Variants in AKTIP observed in about 807,000 individuals in gnomAD.
AKTIP encodes AKT-interacting protein.
In AKTIP, 16 loss-of-function variants were observed where a neutral mutation model predicts 39.1. That is an observed-to-expected ratio of 0.41 (90% confidence interval 0.28 to 0.62). AKTIP has a LOEUF of 0.62. Among genes scored for constraint, AKTIP ranks in the 20% least tolerant of loss-of-function variants. The probability of loss-of-function intolerance (pLI) is 0.32; values close to 1 mark genes in which losing one functional copy is unlikely to be tolerated. For missense variants in AKTIP, 262 were observed against 356.6 expected (o/e 0.73, Z 2.14); for synonymous variants, 93 against 124.3 (o/e 0.75, Z 1.67).
At position 53,492,804 on chromosome 16, in the gene AKTIP, CTA is replaced by C. The variant is rs57994071; in HGVS notation, c.711-53_711-52del. The C allele has an allele frequency of 1.6e-3, 2,457 of 1,545,688 alleles. 31 individuals are homozygous for C. The African/African-American group carries it at 0.028, about 18-fold the overall frequency. ...AACTATTTGTTGGCTCACTAAATTT[CTA>C]TAACATTCATTTTGCAGTTTTAAGC... On this transcript the variant is annotated intron_variant, in intron 8 of 9. Coordinates refer to ENST00000394657, the MANE Select transcript of AKTIP (RefSeq NM_022476.4).
At position 53,494,257 on chromosome 16, in the gene AKTIP, G is replaced by A; in HGVS notation, c.603-12C>T. The A allele has an allele frequency of 6.2e-7, 1 of 1,613,232 alleles. No individual in the cohort carries two copies. The highest frequency in any genetic ancestry group is 8.5e-7 in the Non-Finnish European group (1 of 1,179,246). ...TATCTTTTTCATACCTGTGTTAAAA[G>A]TTTAAGTCAAAAAGTTACTAACTTA... On this transcript the variant is annotated splice_polypyrimidine_tract_variant and intron_variant, in intron 7 of 9. Coordinates refer to ENST00000394657, the MANE Select transcript of AKTIP (RefSeq NM_022476.4).
chr16:53,495,425 T>A, intron 3 of AKTIP, 99 bp from the exon 4 acceptor site: 1 of 1,136,624 alleles, frequency 8.8e-7, no homozygotes, highest in South Asian at 1.3e-5. Context: ...GGCCCCTCAA[T>A]GGGCAGCTGA....
chr16:53,496,872 T>C (rs1815566573), intron 3 of AKTIP, among the ~76,000 whole-genome samples: 1 of 152,164 alleles, frequency 6.6e-6, no homozygotes, highest in Admixed American at 6.5e-5. Context: ...GGTCTCACTA[T>C]ATGGCCTACA....
At chr16:53,497,852 CA>C (rs1961933491) in intron 3 of AKTIP, among the ~76,000 whole-genome samples, 1 of 152,228 alleles carries the variant, frequency 6.6e-6, no homozygotes, top group Non-Finnish European at 1.5e-5. Flanking sequence ...CGACTTCAAG[CA>C]ATTCTCTGCC....
At chr16:53,500,129 G>A (rs773523234) in intron 2 of AKTIP, 89 bp downstream of exon 2, 18 of 985,860 alleles carry the variant, frequency 1.8e-5, no homozygotes, top group Non-Finnish European at 2.5e-5. Flanking sequence ...ACAGGTGACC[G>A]TGACAGATTA....
At chr16:53,492,942 C>G in intron 8 of AKTIP, 189 bp from the exon 9 acceptor site, 1 of 580,158 alleles carries the variant, frequency 1.7e-6, no homozygotes, top group Non-Finnish European at 3.1e-6. Context: ...CATGAATGAT[C>G]TCATTTAAGC....
Position 53,500,344 on chromosome 16 carries a change from G to A in AKTIP, c.-70-15C>T. 2 of 1,556,740 alleles carry A rather than the reference G, an allele frequency of 1.3e-6. No individual in the cohort carries two copies. Among genetic ancestry groups the A allele is most frequent in the South Asian group, 1.2e-5 (1 of 83,814 alleles). ...ATTCACTTTACCTTAAAACAAGACG[G>A]GAAGACATAGAAACATGCCAACACC... On this transcript the variant is annotated splice_polypyrimidine_tract_variant and intron_variant, in intron 1 of 9. Transcript: ENST00000394657.
intron 8 of AKTIP, 97 bp from the exon 9 acceptor site, chr16:53,492,850 A>AAGTTAATT (rs1318687750): frequency 7.0e-5 from 69 of 981,446 alleles, no homozygotes; most frequent in Non-Finnish European, 1.0e-4. Flanking sequence ...CTAACTTAAT[A>AAGTTAATT]AAGCACAGTA....
upstream of AKTIP, among the ~76,000 whole-genome samples, chr16:53,503,655 A>G (rs762271432): frequency 2.6e-5 from 4 of 152,072 alleles, no homozygotes; most frequent in Non-Finnish European, 4.4e-5. Context: ...GCTGGGGCAT[A>G]CGCTAACGTC....
intron 4 of AKTIP, 29 bp downstream of exon 4, chr16:53,495,233 C>T: frequency 1.2e-6 from 2 of 1,613,790 alleles, no homozygotes; most frequent in South Asian, 2.2e-5. Context: ...TAAATGTGCC[C>T]ATAAATTAAG....
chr16:53,497,680 C>T (rs1961924060), intron 3 of AKTIP, among the ~76,000 whole-genome samples: 1 of 152,212 alleles, frequency 6.6e-6, no homozygotes, highest in Non-Finnish European at 1.5e-5. Flanking sequence ...CTGTCCTACT[C>T]TCTAGAAAAA....
In AKTIP at chr16:53,492,529, A is replaced by G; in HGVS notation, c.772-10T>C. The G allele has an allele frequency of 6.2e-7, 1 of 1,613,816 alleles. No homozygotes were observed. Among genetic ancestry groups the G allele is most frequent in the Non-Finnish European group, 8.5e-7 (1 of 1,179,690 alleles). ...GCTGTTCTTCAGGCTTCTTCTAGGCACAATCAAAACAGATATTTAAAAAAT... is the reference window on the plus strand; with the variant it reads ...GCTGTTCTTCAGGCTTCTTCTAGGCGCAATCAAAACAGATATTTAAAAAAT... On this transcript the variant is annotated splice_polypyrimidine_tract_variant and intron_variant, in intron 9 of 9. Transcript: ENST00000394657.
chr16:53,495,011 G>C (rs1343550002), intron 5 of AKTIP, 62 bp downstream of exon 5: 1 of 1,424,576 alleles, frequency 7.0e-7, no homozygotes, highest in Non-Finnish European at 9.9e-7. Flanking sequence ...CAGGAAAGCT[G>C]TAAGCCCTTT....
chr16:53,503,552 G>A (rs913162496), upstream of AKTIP, among the ~76,000 whole-genome samples: 5 of 152,218 alleles, frequency 3.3e-5, no homozygotes, highest in African/African-American at 1.2e-4. Context: ...AACAAGCGCC[G>A]GGTCACAATT....
Position 53,494,457 on chromosome 16 carries a change from G to C in AKTIP, c.504-20C>G. 1 of 1,613,714 alleles carries C rather than the reference G, an allele frequency of 6.2e-7. No individual in the cohort carries two copies. Among genetic ancestry groups the C allele is most frequent in the South Asian group, 1.1e-5 (1 of 91,068 alleles). ...TTCCGCCTAAAGGGAAACATGGCGTGATTACCGAGGCGTCCTCTTGCTGTA... is the reference window on the plus strand; with the variant it reads ...TTCCGCCTAAAGGGAAACATGGCGTCATTACCGAGGCGTCCTCTTGCTGTA... On this transcript the variant is annotated intron_variant, in intron 6 of 9. Transcript: ENST00000394657.
chr16:53,503,715 T>C (rs910264285), upstream of AKTIP, among the ~76,000 whole-genome samples: 1 of 152,042 alleles, frequency 6.6e-6, no homozygotes, highest in Admixed American at 6.5e-5. Flanking sequence ...GCCCAGTGGC[T>C]CCCATCGCTA....
rs1293948295 is a variant in AKTIP, at chr16:53,491,822, T to TAAGTA, written c.*585_*589dup. 6.6e-6 allele frequency: 1 copy of TAAGTA among 152,534 alleles called. No homozygotes were observed. Among genetic ancestry groups the TAAGTA allele is most frequent in the Non-Finnish European group, 1.5e-5 (1 of 68,032 alleles). 9.4% of individuals were successfully genotyped at this position (152,534 alleles called of 1,614,324 possible). ...TCTCCCTCCTGCCATAAAAATACAG[T>TAAGTA]AAGTAATTTGCTTAAAAAAAACAAC... On this transcript the variant is annotated 3_prime_UTR_variant, in exon 10 of 10. Coordinates refer to ENST00000394657, the MANE Select transcript of AKTIP (RefSeq NM_022476.4).
chr16:53,492,173 C>G lies in AKTIP; in HGVS notation c.*239G>C, dbSNP rs1961521161. On this transcript the variant is annotated 3_prime_UTR_variant, in exon 10 of 10. Coordinates refer to ENST00000394657, the MANE Select transcript of AKTIP (RefSeq NM_022476.4). ...AAATACTTACTTAAGCCTCAAGGTC[C>G]CCAATAATTTGGAGTACTGAACTAG... 1 of 431,088 alleles carries G rather than the reference C, an allele frequency of 2.3e-6. No individual in the cohort carries two copies. The highest frequency in any genetic ancestry group is 2.0e-5 in the African/African-American group (1 of 50,104). The allele number at this position is 431,088 out of a possible 1,614,324, so 26.7% of individuals were successfully genotyped here. A position where few individuals can be genotyped will look rare whatever the true frequency, so the allele number is the denominator to read the frequency against.
At chr16:53,499,420 G>A (rs184279723) in intron 2 of AKTIP, among the ~76,000 whole-genome samples, 7 of 151,268 alleles carry the variant, frequency 4.6e-5, no homozygotes, top group Admixed American at 1.3e-4. Context: ...AGTAATAGTG[G>A]TGTTTGTTCT....
Sources: allele counts gnomAD v4.1 joint callset (sites outside exome capture counted in the v4.1 genomes callset), GRCh38; gene constraint gnomAD v4.1.1; transcripts MANE v1.5; gene names NCBI Gene and HGNC (gene_info 2026-07-23, HGNC 2026-07-21).